The following FRMD5 variants were observed in gnomAD, a reference collection of about 807,000 sequenced individuals.
The protein encoded by FRMD5 is FERM domain containing 5.
In FRMD5, 20 loss-of-function variants were observed where a neutral mutation model predicts 69.0. The ratio of observed to expected loss-of-function variants is 0.29; its 90% CI spans 0.20 to 0.42. The LOEUF (loss-of-function observed/expected upper bound fraction) is 0.42, where lower values mean the gene tolerates loss of function less well. FRMD5 is among the 10% of genes least tolerant of loss of function. FRMD5 has a pLI of 1.00. For synonymous variants in FRMD5, 271 were observed against 260.1 expected, an observed-to-expected ratio of 1.04 and a Z score of -0.40; for missense variants, 595 against 708.6, an observed-to-expected ratio of 0.84 and a Z score of 1.82.
At chr15:44,113,548 TACAA>T (rs940052068) in intron 1 of FRMD5, among the ~76,000 whole-genome samples, 1 of 152,210 alleles carries the variant, frequency 6.6e-6, no homozygotes, top group Non-Finnish European at 1.5e-5. Context: ...TCCTTTGTGT[TACAA>T]ACAATCTAAT....
intron 1 of FRMD5, among the ~76,000 whole-genome samples, chr15:43,974,398 G>A (rs993545977): frequency 2.0e-5 from 3 of 152,192 alleles, no homozygotes; most frequent in Non-Finnish European, 4.4e-5. Flanking sequence ...ATTATGTGCT[G>A]CAGGTGCTCA....
chr15:44,101,674 T>C (rs1379892422), intron 1 of FRMD5: 1 of 152,338 alleles, frequency 6.6e-6, no homozygotes, highest in Non-Finnish European at 1.5e-5. Context: ...ACTTCACAAG[T>C]AGATACATTC....
Position 43,873,797 on chromosome 15 carries a change from G to A in FRMD5, c.*88C>T, listed in dbSNP as rs1401668932. The A allele has an allele frequency of 8.4e-6, 13 of 1,554,876 alleles. No individual in the cohort carries two copies. The highest frequency in any genetic ancestry group is 1.4e-5 in the African/African-American group (1 of 73,030). On this transcript the variant is annotated 3_prime_UTR_variant, in exon 14 of 14. Coordinates refer to ENST00000417257, the MANE Select transcript of FRMD5 (RefSeq NM_032892.5). Reference sequence around the variant, plus strand: ...GAGAGGAGGACTTGGTATATGTGCCGATGGTTCCGCGATGGGTCCCATTGC... The same window carrying A: ...GAGAGGAGGACTTGGTATATGTGCCAATGGTTCCGCGATGGGTCCCATTGC...
At chr15:43,939,265 G>A (rs1190504713) in intron 1 of FRMD5, among the ~76,000 whole-genome samples, 1 of 152,124 alleles carries the variant, frequency 6.6e-6, no homozygotes, top group Non-Finnish European at 1.5e-5. Context: ...CCCCAGATGG[G>A]GGAGCTGATG....
At chr15:44,118,929 C>T (rs958514928) in intron 1 of FRMD5, among the ~76,000 whole-genome samples, 4 of 152,064 alleles carry the variant, frequency 2.6e-5, no homozygotes, top group African/African-American at 9.7e-5. Flanking sequence ...GTTCATCCCA[C>T]CATGCTAAAT....
intron 13 of FRMD5, among the ~76,000 whole-genome samples, chr15:43,881,061 C>T (rs1035687603): frequency 2.6e-5 from 4 of 152,218 alleles, no homozygotes; most frequent in African/African-American, 7.2e-5. Context: ...AGAGCCTCAG[C>T]CCTCCCTCTT....
intron 1 of FRMD5, among the ~76,000 whole-genome samples, chr15:44,080,599 T>C (rs372469301): frequency 2.0e-4 from 30 of 152,218 alleles, no homozygotes; most frequent in African/African-American, 7.2e-4. Context: ...TCTTCAGACA[T>C]AGGAGTATTA....
chr15:43,954,079 C>T (rs553214580), intron 1 of FRMD5, among the ~76,000 whole-genome samples: 27 of 152,270 alleles, frequency 1.8e-4, no homozygotes, highest in African/African-American at 4.8e-4. Context: ...CTGAGCTGCA[C>T]GTGAGGGAAA....
upstream of FRMD5, among the ~76,000 whole-genome samples, chr15:44,196,762 C>CTCTT (rs1490830715): frequency 7.0e-6 from 1 of 142,178 alleles, no homozygotes; most frequent in African/African-American, 2.6e-5. Flanking sequence ...TTCTCTCTCT[C>CTCTT]TCTCTCTCTC....
chr15:43,908,246 T>A (rs1232636596), intron 5 of FRMD5, among the ~76,000 whole-genome samples: 1 of 150,544 alleles, frequency 6.6e-6, no homozygotes, highest in Non-Finnish European at 1.5e-5. Flanking sequence ...GAGGATCACT[T>A]GAACCCAGGA....
At chr15:44,063,131 T>TA (rs1240786527) in intron 1 of FRMD5, among the ~76,000 whole-genome samples, 7 of 152,202 alleles carry the variant, frequency 4.6e-5, no homozygotes, top group Non-Finnish European at 8.8e-5. Context: ...GCTTCTTTTT[T>TA]AAAAAAGCCA....
intron 7 of FRMD5, among the ~76,000 whole-genome samples, chr15:43,900,466 G>C (rs1595497212): frequency 6.6e-6 from 1 of 152,160 alleles, no homozygotes; most frequent in African/African-American, 2.4e-5. Flanking sequence ...CTAGTGGATA[G>C]GGAACTGTGG....
At chr15:44,089,425 T>G (rs1187529428) in intron 1 of FRMD5, among the ~76,000 whole-genome samples, 1 of 151,988 alleles carries the variant, frequency 6.6e-6, no homozygotes, top group East Asian at 1.9e-4. Flanking sequence ...TTTTCAGGGC[T>G]GGGTATGGTG....
intron 1 of FRMD5, among the ~76,000 whole-genome samples, chr15:44,023,282 T>C (rs919497078): frequency 2.0e-5 from 3 of 152,164 alleles, no homozygotes; most frequent in Admixed American, 2.0e-4. Context: ...CTGGAGGTTG[T>C]TACAGGAATT....
At chr15:44,192,778 A>T (rs925157870) in intron 1 of FRMD5, among the ~76,000 whole-genome samples, 22 of 152,226 alleles carry the variant, frequency 1.4e-4, no homozygotes, top group African/African-American at 4.8e-4. Flanking sequence ...GAATGACAAC[A>T]TTACATATAC....
chr15:44,050,676 C>G (rs8041650), intron 1 of FRMD5, among the ~76,000 whole-genome samples: 132,476 of 147,178 alleles, frequency 0.9, 60,078 homozygotes, highest in East Asian at 1. Context: ...TTTCTTTTTT[C>G]AGACAGAGTC....
At chr15:44,011,318 A>C (rs960241897) in intron 1 of FRMD5, among the ~76,000 whole-genome samples, 1 of 150,900 alleles carries the variant, frequency 6.6e-6, no homozygotes, top group Non-Finnish European at 1.5e-5. Context: ...GTTTGTAGCA[A>C]TGGGAATTGA....
At chr15:44,047,692 A>T (rs1361445750) in intron 1 of FRMD5, among the ~76,000 whole-genome samples, 3 of 152,212 alleles carry the variant, frequency 2.0e-5, no homozygotes, top group Non-Finnish European at 4.4e-5. Flanking sequence ...GAAACCCTGT[A>T]TCCATTAGCT....
At chr15:44,034,774 G>T (rs1010321995) in intron 1 of FRMD5, among the ~76,000 whole-genome samples, 1 of 152,110 alleles carries the variant, frequency 6.6e-6, no homozygotes, top group African/African-American at 2.4e-5. Flanking sequence ...GGGAGCTGAG[G>T]GGGGAAGAGA....
Sources: allele counts gnomAD v4.1 joint callset (sites outside exome capture counted in the v4.1 genomes callset), GRCh38; gene constraint gnomAD v4.1.1; transcripts MANE v1.5; gene names NCBI Gene and HGNC (gene_info 2026-07-23, HGNC 2026-07-21).